The following SNX29 variants were observed in gnomAD, a reference collection of about 807,000 sequenced individuals.
SNX29 encodes the protein sorting nexin-29.
In SNX29, 78 loss-of-function variants were observed where a neutral mutation model predicts 102.1. The observed-to-expected ratio is 0.76, with a 90% CI of 0.64 to 0.92. The LOEUF (loss-of-function observed/expected upper bound fraction) is 0.92. Ranked by LOEUF, SNX29 falls within the 40% of genes least tolerant of loss-of-function variation. The probability of loss-of-function intolerance (pLI) is 0.00; values close to 1 mark genes in which losing one functional copy is unlikely to be tolerated. For missense variants in SNX29, 1,280 were observed against 1,061.7 expected, an observed-to-expected ratio of 1.21 and a Z score of -2.86; for synonymous variants, 580 against 414.5, an observed-to-expected ratio of 1.40 and a Z score of -4.85.
At chr16:12,398,562 C>T (rs1411702053) in intron 17 of SNX29, 61 bp downstream of exon 17, 20 of 1,588,120 alleles carry the variant, frequency 1.3e-5, no homozygotes, top group Non-Finnish European at 1.6e-5. Context: ...TTGTTGGCTT[C>T]TGTCCCAGAA....
At chr16:11,977,172 C>A (rs1027697132) in intron 1 of SNX29, 4 of 275,140 alleles carry the variant, frequency 1.5e-5, no homozygotes, top group African/African-American at 6.6e-5. Context: ...AGACCCGCTG[C>A]GTCCCAGCTC....
intron 13 of SNX29, among the ~76,000 whole-genome samples, chr16:12,134,663 C>G (rs1388957319): frequency 6.6e-6 from 1 of 152,202 alleles, no homozygotes; most frequent in Non-Finnish European, 1.5e-5. Flanking sequence ...CTGCTATATT[C>G]TGTAGTCACA....
At position 12,463,399 on chromosome 16, in the gene SNX29, G is replaced by A. The variant is rs1236866076; in HGVS notation, c.2038-14320G>A. Among the ~76,000 whole-genome samples the A allele has an allele frequency of 5.9e-5, 9 of 152,208 alleles. No individual in the cohort carries two copies. In the South Asian group the frequency reaches 1.5e-3, roughly 25 times the overall value. ...CTCACAGTTCCACATGGCTAAGGAG[G>A]CCTCACAATCATGGTTGAAGGCAAG... On this transcript the variant is annotated intron_variant, in intron 18 of 20. Coordinates refer to ENST00000566228, the MANE Select transcript of SNX29 (RefSeq NM_032167.5).
At chr16:12,510,637 C>T (rs1316034103) in intron 19 of SNX29, among the ~76,000 whole-genome samples, 1 of 152,002 alleles carries the variant, frequency 6.6e-6, no homozygotes, top group African/African-American at 2.4e-5. Flanking sequence ...GGCCCCACTG[C>T]ACTCCAGCCT....
intron 19 of SNX29, among the ~76,000 whole-genome samples, chr16:12,513,932 T>G (rs1453139553): frequency 2.6e-5 from 4 of 152,158 alleles, no homozygotes; most frequent in African/African-American, 9.7e-5. Context: ...AGCTTCCCAA[T>G]TAGCAACCGC....
At chr16:12,106,040 G>A (rs1445451765) in intron 11 of SNX29, among the ~76,000 whole-genome samples, 1 of 152,146 alleles carries the variant, frequency 6.6e-6, no homozygotes, top group South Asian at 2.1e-4. Flanking sequence ...CAGAGCCAAC[G>A]TTTCCATCTA....
intron 1 of SNX29, among the ~76,000 whole-genome samples, chr16:11,997,435 A>C (rs1567508089): frequency 6.6e-6 from 1 of 151,234 alleles, no homozygotes; most frequent in African/African-American, 2.4e-5. Flanking sequence ...TTGTCTTCCT[A>C]GTGTGACTCT....
chr16:12,348,563 T>TGA (rs1478326025), intron 15 of SNX29, among the ~76,000 whole-genome samples: 3 of 151,450 alleles, frequency 2.0e-5, no homozygotes, highest in Admixed American at 6.6e-5. Context: ...TGTGTGTGTG[T>TGA]GACAGTGTCC....
At position 12,557,850 on chromosome 16, in the gene SNX29, G is replaced by A. The variant is rs756292673; in HGVS notation, c.2319-10656G>A. Among the ~76,000 whole-genome samples the A allele has an allele frequency of 9.9e-5, 15 of 152,266 alleles. No homozygotes were observed. The South Asian group carries it at 2.1e-3, about 21-fold the overall frequency. On this transcript the variant is annotated intron_variant, in intron 20 of 20. Coordinates refer to ENST00000566228, the MANE Select transcript of SNX29 (RefSeq NM_032167.5). ...CACCAAAACATCATCAATGTGACAT[G>A]ACCATAGCCATTCCAGCGAGTGGAG... is the stretch of plus-strand genomic sequence containing the variant.
chr16:12,297,791 G>A (rs573315959), intron 15 of SNX29, among the ~76,000 whole-genome samples: 2 of 152,286 alleles, frequency 1.3e-5, no homozygotes, highest in East Asian at 3.9e-4. Context: ...TTCCACGTCT[G>A]GCTCCACCTG....
At chr16:12,224,557 T>A (rs1378355275) in intron 14 of SNX29, among the ~76,000 whole-genome samples, 1 of 151,986 alleles carries the variant, frequency 6.6e-6, no homozygotes, top group East Asian at 1.9e-4. Context: ...TTGGAGAAAG[T>A]GACATTTGAT....
chr16:12,337,370 C>A (rs900358194), intron 15 of SNX29, among the ~76,000 whole-genome samples: 1 of 151,954 alleles, frequency 6.6e-6, no homozygotes, highest in Non-Finnish European at 1.5e-5. Context: ...AAGACAGGGT[C>A]TTGCTGTGCT....
intron 19 of SNX29, among the ~76,000 whole-genome samples, chr16:12,517,198 C>T (rs1017090481): frequency 1.4e-4 from 22 of 152,282 alleles, no homozygotes; most frequent in South Asian, 4.1e-4. Context: ...CTGGCAGGTT[C>T]CATACGCTGG....
chr16:12,458,609 C>G (rs965386167), intron 18 of SNX29, among the ~76,000 whole-genome samples: 18 of 152,276 alleles, frequency 1.2e-4, no homozygotes, highest in African/African-American at 4.3e-4. Flanking sequence ...AAGGTTGTCC[C>G]AGCCAACAAT....
chr16:11,976,857 G>C (rs1322111493), intron 1 of SNX29, 44 bp downstream of exon 1: 1 of 1,328,108 alleles, frequency 7.5e-7, no homozygotes, highest in Non-Finnish European at 9.6e-7. Context: ...GGCCGCCCCG[G>C]CTCCCGCCGC....
At chr16:12,275,223 G>A (rs1227127378) in intron 14 of SNX29, among the ~76,000 whole-genome samples, 2 of 152,222 alleles carry the variant, frequency 1.3e-5, no homozygotes, top group East Asian at 3.9e-4. Flanking sequence ...TTAGATTCCT[G>A]GGAGAATACC....
intron 20 of SNX29, among the ~76,000 whole-genome samples, chr16:12,554,539 T>G (rs377708866): frequency 2.6e-5 from 4 of 152,198 alleles, no homozygotes; most frequent in African/African-American, 9.6e-5. Context: ...CTCGCCCACG[T>G]TTTTGTGAAC....
At chr16:12,195,796 C>T (rs570412669) in intron 13 of SNX29, among the ~76,000 whole-genome samples, 1 of 152,254 alleles carries the variant, frequency 6.6e-6, no homozygotes, top group East Asian at 1.9e-4. Context: ...TCAAATTTCT[C>T]ATCTGTAAAA....
chr16:12,032,187 C>CCTT (rs199740204), intron 4 of SNX29, among the ~76,000 whole-genome samples: 25 of 146,982 alleles, frequency 1.7e-4, no homozygotes, highest in East Asian at 1.2e-3. Flanking sequence ...GTCAGAATTT[C>CCTT]CTTCTTCTTC....
Sources: allele counts gnomAD v4.1 joint callset (sites outside exome capture counted in the v4.1 genomes callset), GRCh38; gene constraint gnomAD v4.1.1; transcripts MANE v1.5; gene names NCBI Gene and HGNC (gene_info 2026-07-23, HGNC 2026-07-21).